Variants in RERE observed in about 807,000 individuals in gnomAD.
RERE encodes arginine-glutamic acid dipeptide repeats protein.
RERE carries 40 observed loss-of-function variants against 146.1 expected under a neutral mutation model. That is an observed-to-expected ratio of 0.27 (90% confidence interval 0.21 to 0.36). RERE has a LOEUF of 0.36. Ranked by LOEUF, RERE falls within the 10% of genes least tolerant of loss-of-function variation. The pLI is 1.00. For missense variants in RERE, 1,933 were observed against 2,138.7 expected (o/e 0.90, Z 1.90); for synonymous variants, 1,003 against 866.0 (o/e 1.16, Z -2.78).
Position 8,662,273 on chromosome 1 carries a change from C to A in RERE, c.-144-5832G>T, listed in dbSNP as rs2124350087. ...CTCTACAAACACCATCTTACCTCTT[C>A]AAAATGAAGCCAACACCACCCCCAA... is the stretch of plus-strand genomic sequence containing the variant. On this transcript the variant is annotated intron_variant, in intron 1 of 22. Coordinates refer to ENST00000400908, the MANE Select transcript of RERE (RefSeq NM_001042681.2). 1.3e-5 allele frequency among the ~76,000 whole-genome samples: 2 copies of A among 152,324 alleles called. 1 individual carries two copies. The highest frequency in any genetic ancestry group is 4.1e-4 in the South Asian group (2 of 4,828).
At position 8,813,764 on chromosome 1, in the gene RERE, G is replaced by A. The variant is rs568338789; in HGVS notation, c.-145+3396C>T. Among the ~76,000 whole-genome samples, 5 of 152,012 alleles carry A rather than the reference G, an allele frequency of 3.3e-5. No homozygotes were observed. The South Asian group carries it at 6.3e-4, about 19-fold the overall frequency. On this transcript the variant is annotated intron_variant, in intron 1 of 22. Transcript: ENST00000400908. ...CAAGTAGCTGGGATTACAGCCACGC[G>A]CCAAAGTGCCAGGCTAATTTTTGTA...
At chr1:8,657,492 T>C (rs1638349807) in intron 1 of RERE, among the ~76,000 whole-genome samples, 1 of 152,134 alleles carries the variant, frequency 6.6e-6, no homozygotes, top group South Asian at 2.1e-4. Flanking sequence ...TTCAGTTACA[T>C]TTTACACATC....
At chr1:8,381,119 A>G in intron 12 of RERE, 1 of 395,964 alleles carries the variant, frequency 2.5e-6, no homozygotes, top group Non-Finnish European at 5.1e-6. Flanking sequence ...ACTGACCCAT[A>G]GGAAGCGAGT....
chr1:8,749,997 C>A (rs962970342), intron 1 of RERE, among the ~76,000 whole-genome samples: 1 of 151,780 alleles, frequency 6.6e-6, no homozygotes, highest in South Asian at 2.1e-4. Flanking sequence ...ACTAAAAATA[C>A]AAAAATTAAC....
chr1:8,514,911 A>G (rs1392862821), intron 7 of RERE, among the ~76,000 whole-genome samples: 1 of 152,204 alleles, frequency 6.6e-6, no homozygotes, highest in Non-Finnish European at 1.5e-5. Flanking sequence ...TTCTTCTTTG[A>G]TGAATAACAA....
chr1:8,427,879 T>C (rs1227561982), intron 11 of RERE, among the ~76,000 whole-genome samples: 1 of 152,176 alleles, frequency 6.6e-6, no homozygotes, highest in Non-Finnish European at 1.5e-5. Context: ...GGCTGTCTCC[T>C]TTCCCTCTAT....
At position 8,355,125 on chromosome 1, in the gene RERE, A is replaced by C. The variant is rs755040465; in HGVS notation, c.4668-5T>G. ...TCACCTTCTTTCTTCAGTCGACTGG[A>C]AAGACAAAACAGGAAAGCGTATTTA... is the stretch of plus-strand genomic sequence containing the variant. On this transcript the variant is annotated splice_region_variant and splice_polypyrimidine_tract_variant and intron_variant, in intron 22 of 22. Transcript: ENST00000400908. 6 of 1,613,816 alleles carry C rather than the reference A, an allele frequency of 3.7e-6. No homozygotes were observed. Among genetic ancestry groups the C allele is most frequent in the Admixed American group, 1.7e-5 (1 of 60,006 alleles).
chr1:8,574,969 A>G (rs1241041583), intron 4 of RERE, among the ~76,000 whole-genome samples: 1 of 152,252 alleles, frequency 6.6e-6, no homozygotes, highest in Non-Finnish European at 1.5e-5. Flanking sequence ...TTCTAAAATT[A>G]AAAGTCTAAT....
At chr1:8,487,390 G>A (rs1557654155) in intron 10 of RERE, among the ~76,000 whole-genome samples, 3 of 152,036 alleles carry the variant, frequency 2.0e-5, no homozygotes, top group Non-Finnish European at 1.5e-5. Context: ...ACCAGGCTGG[G>A]CAACATAGTG....
intron 10 of RERE, among the ~76,000 whole-genome samples, chr1:8,476,455 G>C (rs1644757915): frequency 6.6e-6 from 1 of 152,144 alleles, no homozygotes; most frequent in Non-Finnish European, 1.5e-5. Context: ...CTTGGGGCTA[G>C]GGGATGAGGG....
At chr1:8,544,100 A>G in intron 6 of RERE, among the ~76,000 whole-genome samples, 1 of 152,236 alleles carries the variant, frequency 6.6e-6, no homozygotes, top group South Asian at 2.1e-4. Flanking sequence ...CCATAATCAT[A>G]GTATTGGAAA....
chr1:8,717,160 A>G (rs1337267235), intron 1 of RERE, among the ~76,000 whole-genome samples: 2 of 152,250 alleles, frequency 1.3e-5, no homozygotes, highest in Non-Finnish European at 2.9e-5. Context: ...TGAATTTTTA[A>G]AATCATTTTT....
At chr1:8,695,502 C>A (rs905712376) in intron 1 of RERE, among the ~76,000 whole-genome samples, 4 of 146,406 alleles carry the variant, frequency 2.7e-5, no homozygotes, top group Non-Finnish European at 3.0e-5. Flanking sequence ...ATAATCCCAG[C>A]ATTTTGGGAG....
intron 1 of RERE, among the ~76,000 whole-genome samples, chr1:8,771,989 G>A (rs1016957268): frequency 2.0e-5 from 3 of 151,206 alleles, no homozygotes; most frequent in East Asian, 3.9e-4. Context: ...TGCTGCAAAC[G>A]CTGTTTAGGA....
intron 1 of RERE, among the ~76,000 whole-genome samples, chr1:8,737,951 A>G (rs754270045): frequency 2.6e-5 from 4 of 152,236 alleles, no homozygotes; most frequent in Admixed American, 6.5e-5. Context: ...CACTAAATAA[A>G]TTATAAATCT....
At position 8,364,300 on chromosome 1, in the gene RERE, C is replaced by G. The variant is rs764613675; in HGVS notation, c.1541-45G>C. 6.4e-7 allele frequency: 1 copy of G among 1,558,562 alleles called. No homozygotes were observed. Among genetic ancestry groups the G allele is most frequent in the Admixed American group, 1.7e-5 (1 of 59,946 alleles). On this transcript the variant is annotated intron_variant, in intron 14 of 22. Coordinates refer to ENST00000400908, the MANE Select transcript of RERE (RefSeq NM_001042681.2). The surrounding 1 kb of genome is among the most constrained non-coding windows in gnomAD (Gnocchi z 5.1). ...GGGGCCAACCTTGGAAACCATCCCTCTCCCTGGGGATGTCTGGGCAGAGGG... is the reference window on the plus strand; with the variant it reads ...GGGGCCAACCTTGGAAACCATCCCTGTCCCTGGGGATGTCTGGGCAGAGGG...
intron 12 of RERE, among the ~76,000 whole-genome samples, chr1:8,414,084 G>A (rs549510057): frequency 6.7e-5 from 10 of 149,054 alleles, no homozygotes; most frequent in African/African-American, 2.2e-4. Context: ...GAAATGAGGG[G>A]ACTCAGATAC....
chr1:8,812,283 T>A (rs983328897), intron 1 of RERE, among the ~76,000 whole-genome samples: 1 of 152,210 alleles, frequency 6.6e-6, no homozygotes, highest in Non-Finnish European at 1.5e-5. Flanking sequence ...ATTTTATAAC[T>A]AACCATATAA....
At chr1:8,588,495 G>A (rs1646454453) in intron 4 of RERE, among the ~76,000 whole-genome samples, 3 of 152,060 alleles carry the variant, frequency 2.0e-5, no homozygotes, top group Admixed American at 2.0e-4. Flanking sequence ...CTGGCCTAGG[G>A]CATCCCACTG....
Sources: allele counts gnomAD v4.1 joint callset (sites outside exome capture counted in the v4.1 genomes callset), GRCh38; gene constraint gnomAD v4.1.1; non-coding constraint Gnocchi (gnomAD v3.1); transcripts MANE v1.5; gene names NCBI Gene and HGNC (gene_info 2026-07-23, HGNC 2026-07-21).